Variants in NEK5 observed in about 807,000 individuals in gnomAD.
NEK5 encodes the protein serine/threonine-protein kinase Nek5.
NEK5 carries 88 observed loss-of-function variants against 109.2 expected under a neutral mutation model. The observed-to-expected ratio is 0.81, with a 90% confidence interval of 0.68 to 0.96. The LOEUF (loss-of-function observed/expected upper bound fraction) is 0.96. NEK5 is among the 40% of genes least tolerant of loss of function. The pLI is 0.00. For synonymous variants in NEK5, 283 were observed against 299.9 expected (o/e 0.94, Z 0.58); for missense variants, 834 against 920.7 (o/e 0.91, Z 1.22).
chr13:52,079,906 C>T (rs1186030720), intron 17 of NEK5, among the ~76,000 whole-genome samples: 4 of 151,686 alleles, frequency 2.6e-5, no homozygotes, highest in Non-Finnish European at 4.4e-5. Context: ...GCGCCTTTGC[C>T]CCGCCGCCCC....
At chr13:52,049,373 G>A (rs1312789333) in intron 23 of NEK5, among the ~76,000 whole-genome samples, 1 of 152,118 alleles carries the variant, frequency 6.6e-6, no homozygotes, top group African/African-American at 2.4e-5. Flanking sequence ...ACAGTGAGCT[G>A]TGATTGCGCC....
rs1955695069 is a variant in NEK5, at chr13:52,108,401, G to A, written c.471C>T (p.Ser157=). 6.3e-7 allele frequency: 1 copy of A among 1,577,652 alleles called. No individual in the cohort carries two copies. ...CAATACAAGTTCGAGCAAGTTCCAT[G>A]GAACTAGTAAATTATATTAAATAAT... ...DFGIARVLNN[S]MELARTCIGT... Residue 157 remains serine (S), a synonymous_variant, in exon 8 of 24, where the codon TCC becomes TCT. Coordinates refer to ENST00000684899, the MANE Select transcript of NEK5 (RefSeq NM_001365552.1).
intron 11 of NEK5, among the ~76,000 whole-genome samples, chr13:52,101,354 C>A (rs774028373): frequency 2.6e-5 from 4 of 151,890 alleles, no homozygotes; most frequent in African/African-American, 9.7e-5. Context: ...GAGCAGAGAT[C>A]GCGCCATTGC....
chr13:52,064,437 G>T (rs1449570401), intron 21 of NEK5, among the ~76,000 whole-genome samples: 1 of 144,702 alleles, frequency 6.9e-6, no homozygotes, highest in East Asian at 2.1e-4. Context: ...CACCCCGTCC[G>T]GGAGGGAGGT....
intron 19 of NEK5, among the ~76,000 whole-genome samples, chr13:52,073,016 A>C (rs2137802318): frequency 6.6e-6 from 1 of 152,336 alleles, no homozygotes; most frequent in African/African-American, 2.4e-5. Context: ...AGGAGAGCCC[A>C]AATGCATAAA....
At chr13:52,039,709 A>G (rs2140879223) in intron 23 of NEK5, among the ~76,000 whole-genome samples, 1 of 152,272 alleles carries the variant, frequency 6.6e-6, no homozygotes, top group South Asian at 2.1e-4. Flanking sequence ...TCTTCCAGTT[A>G]CTAACTCCTT....
chr13:52,064,038 CGGGA>C (rs1954643328), intron 21 of NEK5, among the ~76,000 whole-genome samples: 2 of 133,766 alleles, frequency 1.5e-5, no homozygotes, highest in African/African-American at 3.0e-5. Context: ...CTGCCCCATC[CGGGA>C]GGGAGGTGGG....
chr13:52,068,162 C>A (rs1370243087), intron 20 of NEK5, among the ~76,000 whole-genome samples: 1 of 152,106 alleles, frequency 6.6e-6, no homozygotes, highest in African/African-American at 2.4e-5. Flanking sequence ...GAAATGGCAA[C>A]CCTCTTGGGT....
intron 3 of NEK5, among the ~76,000 whole-genome samples, chr13:52,126,236 G>C (rs1278586031): frequency 6.6e-6 from 1 of 151,668 alleles, no homozygotes; most frequent in African/African-American, 2.4e-5. Flanking sequence ...CACTAAAGAG[G>C]GTGACATAAA....
chr13:52,123,532 A>G (rs1170711800), intron 3 of NEK5, among the ~76,000 whole-genome samples: 1 of 152,214 alleles, frequency 6.6e-6, no homozygotes, highest in Non-Finnish European at 1.5e-5. Context: ...TTCACAGTAG[A>G]GCAAGAGGGC....
intron 7 of NEK5, 103 bp from the exon 8 acceptor site, chr13:52,108,507 A>G: frequency 1.5e-6 from 1 of 671,528 alleles, no homozygotes. Flanking sequence ...TGGATAACAC[A>G]AGATTTGATG....
chr13:52,093,353 A>T, intron 12 of NEK5, 118 bp from the exon 13 acceptor site: 1 of 649,202 alleles, frequency 1.5e-6, no homozygotes, highest in South Asian at 2.3e-5. Flanking sequence ...TGAGGTCAGG[A>T]GTTCAAGACC....
At chr13:52,054,858 G>A (rs889883338) in intron 22 of NEK5, among the ~76,000 whole-genome samples, 80 of 150,296 alleles carry the variant, frequency 5.3e-4, no homozygotes, top group Non-Finnish European at 9.6e-4. Context: ...AAAAAACAGA[G>A]CAGAAAAACT....
chr13:52,053,211 G>A (rs1954523394), intron 22 of NEK5, among the ~76,000 whole-genome samples: 1 of 152,184 alleles, frequency 6.6e-6, no homozygotes, highest in African/African-American at 2.4e-5. Flanking sequence ...TGAGGCAGGA[G>A]AATCACTTGA....
intron 17 of NEK5, 116 bp from the exon 18 acceptor site, chr13:52,076,259 A>G: frequency 1.7e-6 from 1 of 592,330 alleles, no homozygotes; most frequent in East Asian, 3.0e-5. Flanking sequence ...TGGAAAGTTA[A>G]TAATAATTAA....
Position 52,035,344 on chromosome 13 carries a change from C to T in NEK5, c.*1604G>A, listed in dbSNP as rs1032520599. On this transcript the variant is annotated 3_prime_UTR_variant, in exon 24 of 24. Transcript: ENST00000684899. ...TATGAAATGTAAATAGTAAACAGAC[C>T]TTAGAAATAATCTGACCCACCTTAC... 6.6e-5 allele frequency: 10 copies of T among 152,096 alleles called. No homozygotes were observed. The highest frequency in any genetic ancestry group is 1.5e-4 in the Non-Finnish European group (10 of 68,020). The allele number at this position is 152,096 out of a possible 1,614,324, so 9.4% of individuals were successfully genotyped here. A position where few individuals can be genotyped will look rare whatever the true frequency, so the allele number is the denominator to read the frequency against.
intron 8 of NEK5, among the ~76,000 whole-genome samples, chr13:52,106,223 C>CT (rs1338246282): frequency 6.6e-6 from 1 of 151,746 alleles, no homozygotes; most frequent in Admixed American, 6.6e-5. Flanking sequence ...CAGAGAAATT[C>CT]TTACTATTCT....
chr13:52,081,095 G>C (rs1264766703), intron 17 of NEK5, among the ~76,000 whole-genome samples: 1 of 152,164 alleles, frequency 6.6e-6, no homozygotes, highest in East Asian at 1.9e-4. Context: ...CAAAAGTCTA[G>C]CATGCCATGC....
rs371674594 is a variant in NEK5 at position 52,053,616 on chromosome 13, C to A, written c.2111-3395G>T. 2.2e-4 allele frequency among the ~76,000 whole-genome samples: 33 copies of A among 152,234 alleles called. No homozygotes were observed. In the East Asian group the frequency reaches 5.0e-3, roughly 23 times the overall value. ...ATCCAGATGCATATGAAATTCTCCCCCACCAGGAACTTCAAGGCTGCAGCT... is the reference window on the plus strand; with the variant it reads ...ATCCAGATGCATATGAAATTCTCCCACACCAGGAACTTCAAGGCTGCAGCT... On this transcript the variant is annotated intron_variant, in intron 22 of 23. Coordinates refer to ENST00000684899, the MANE Select transcript of NEK5 (RefSeq NM_001365552.1).
Sources: gnomAD v4.1 joint callset for allele counts (sites outside exome capture counted in the v4.1 genomes callset) on GRCh38, gnomAD v4.1.1 for gene constraint, MANE v1.5 for transcripts, NCBI Gene and HGNC (gene_info 2026-07-23, HGNC 2026-07-21) for gene names.